Variants in ATG10 observed in about 807,000 individuals in gnomAD.
The protein encoded by ATG10 is autophagy related 10, also known as ubiquitin-like-conjugating enzyme ATG10.
Under a neutral mutation model 32.1 loss-of-function variants are expected in ATG10, and 30 were observed. That is an observed-to-expected ratio of 0.94 (90% CI 0.70 to 1.27). The LOEUF is 1.27. Among genes scored for constraint, ATG10 ranks in the 50% most tolerant of loss-of-function variants. The pLI, the probability that ATG10 is intolerant of heterozygous loss-of-function variation, is 0.00. For synonymous variants in ATG10, 87 were observed against 91.5 expected, an observed-to-expected ratio of 0.95 and a Z score of 0.28; for missense variants, 233 against 262.3, an observed-to-expected ratio of 0.89 and a Z score of 0.77.
At chr5:82,179,507 CA>C (rs1364668103) in intron 5 of ATG10, among the ~76,000 whole-genome samples, 2 of 151,722 alleles carry the variant, frequency 1.3e-5, no homozygotes, top group Non-Finnish European at 2.9e-5. Flanking sequence ...TAGTGATTTG[CA>C]AAAGTAGAGA....
At chr5:82,127,384 G>A (rs192973809) in intron 3 of ATG10, among the ~76,000 whole-genome samples, 36 of 152,086 alleles carry the variant, frequency 2.4e-4, no homozygotes, top group Admixed American at 7.9e-4. Flanking sequence ...TAAGGTATCA[G>A]TTTTAGATCT....
At chr5:82,087,650 T>G (rs1465096362) in intron 3 of ATG10, among the ~76,000 whole-genome samples, 1 of 152,184 alleles carries the variant, frequency 6.6e-6, no homozygotes, top group Non-Finnish European at 1.5e-5. Flanking sequence ...TCTCAGAATC[T>G]TCCCCTATCC....
intron 3 of ATG10, among the ~76,000 whole-genome samples, chr5:82,076,059 A>C (rs1203063032): frequency 6.6e-6 from 1 of 151,930 alleles, no homozygotes; most frequent in African/African-American, 2.4e-5. Context: ...GTATTTCCAC[A>C]TACTGAATGA....
At chr5:82,066,806 A>AT (rs200400737) in intron 3 of ATG10, among the ~76,000 whole-genome samples, 3 of 151,988 alleles carry the variant, frequency 2.0e-5, no homozygotes, top group South Asian at 4.1e-4. Context: ...ATGTCAGAAT[A>AT]TTTTTTTTAT....
At position 81,987,592 on chromosome 5, in the gene ATG10, G is replaced by T; in HGVS notation, c.22G>T (p.Gly8Ter). The T allele has an allele frequency of 6.2e-7, 1 of 1,610,676 alleles. No individual in the cohort carries two copies. The highest frequency in any genetic ancestry group is 8.5e-7 in the Non-Finnish European group (1 of 1,178,580). Residue 8 changes from glycine (G) to a stop codon, truncating the protein, a stop_gained, in exon 2 of 8, where the codon GGA becomes TGA. Transcript: ENST00000282185. LOFTEE classifies it high-confidence loss of function. ...TAACATGGAAGAAGATGAGTTCATT[G>T]GAGAAAAAACATTCCAACGTTATTG... is the stretch of plus-strand genomic sequence containing the variant. MEEDEFI[G>*]EKTFQRYCAE...
In ATG10 at chr5:82,125,427, A is replaced by G. The variant is rs376577134; in HGVS notation, c.217-38972A>G. ...GGGTATTTATGGTTTTAGGTCTTTA[A>G]TCCATCTTGAGTTAATTTTTGCGTA... is the stretch of plus-strand genomic sequence containing the variant. On this transcript the variant is annotated intron_variant, in intron 3 of 7. Coordinates refer to ENST00000282185, the MANE Select transcript of ATG10 (RefSeq NM_031482.5). Among the ~76,000 whole-genome samples, 21 of 152,138 alleles carry G rather than the reference A, an allele frequency of 1.4e-4. No homozygotes were observed. The East Asian group carries it at 1.9e-3, about 14-fold the overall frequency.
chr5:82,139,581 A>G (rs1198832679), intron 3 of ATG10, among the ~76,000 whole-genome samples: 8 of 120,294 alleles, frequency 6.7e-5, no homozygotes, highest in South Asian at 3.0e-4. Context: ...GCCCCGTCTG[A>G]GAAGTGAGGA....
chr5:82,143,404 G>A (rs998027322), intron 3 of ATG10, among the ~76,000 whole-genome samples: 2 of 152,232 alleles, frequency 1.3e-5, no homozygotes, highest in African/African-American at 4.8e-5. Context: ...AGTGTGGAAG[G>A]TGTTCTAACT....
chr5:81,995,265 G>A (rs565422168), intron 2 of ATG10, among the ~76,000 whole-genome samples: 1 of 152,182 alleles, frequency 6.6e-6, no homozygotes, highest in African/African-American at 2.4e-5. Context: ...CCGGTAGCTG[G>A]GACTACAGGC....
Position 82,253,412 on chromosome 5 carries a change from G to A in ATG10, c.650G>A (p.Arg217Gln), listed in dbSNP as rs189442428. ...GCCAAAGCAACGTCTCAGGATGAAC[G>A]AAATGTCCCTTAACAAGGTAAAAGA... is the stretch of plus-strand genomic sequence containing the variant. ...SYAKATSQDE[R>Q]NVP Residue 217 changes from arginine to glutamine, a missense_variant, in exon 7 of 8, where the codon CGA (arginine) becomes CAA (glutamine). By Grantham distance (43) the Arg-to-Gln change is conservative (BLOSUM62 1). Coordinates refer to ENST00000282185, the MANE Select transcript of ATG10 (RefSeq NM_031482.5). 1.2e-4 allele frequency: 197 copies of A among 1,589,938 alleles called. 3 individuals are homozygous for A. Among genetic ancestry groups the A allele is most frequent in the South Asian group, 1.1e-3 (95 of 90,428 alleles).
At chr5:82,006,866 A>AT (rs1761998701) in intron 2 of ATG10, among the ~76,000 whole-genome samples, 1 of 151,868 alleles carries the variant, frequency 6.6e-6, no homozygotes, top group Non-Finnish European at 1.5e-5. Context: ...ATTTTATTTT[A>AT]TTTTTTGAGA....
At chr5:82,185,619 T>TA (rs543983041) in intron 5 of ATG10, among the ~76,000 whole-genome samples, 24 of 148,292 alleles carry the variant, frequency 1.6e-4, no homozygotes, top group Non-Finnish European at 2.8e-4. Context: ...TTTCTCAGGG[T>TA]AAAAAAAAAA....
At chr5:82,041,408 A>G (rs1763078037) in intron 2 of ATG10, among the ~76,000 whole-genome samples, 1 of 152,200 alleles carries the variant, frequency 6.6e-6, no homozygotes, top group Non-Finnish European at 1.5e-5. Flanking sequence ...CATATAAAAT[A>G]ACTAGGTTTT....
At chr5:82,108,502 ATG>A (rs1187764741) in intron 3 of ATG10, among the ~76,000 whole-genome samples, 1 of 151,862 alleles carries the variant, frequency 6.6e-6, no homozygotes, top group Non-Finnish European at 1.5e-5. Context: ...TCTCATGTAT[ATG>A]TGTGTGTATA....
At chr5:82,204,929 A>G (rs1414785286) in intron 5 of ATG10, among the ~76,000 whole-genome samples, 1 of 152,238 alleles carries the variant, frequency 6.6e-6, no homozygotes, top group African/African-American at 2.4e-5. Context: ...ATGAGAATAG[A>G]TAAGGTCTCT....
chr5:82,170,382 A>G (rs950350120), intron 4 of ATG10, among the ~76,000 whole-genome samples: 1 of 152,152 alleles, frequency 6.6e-6, no homozygotes, highest in Non-Finnish European at 1.5e-5. Context: ...TAACTCATGT[A>G]TTGTTTTTCT....
chr5:81,999,942 A>G (rs1231478322), intron 2 of ATG10, among the ~76,000 whole-genome samples: 1 of 152,112 alleles, frequency 6.6e-6, no homozygotes, highest in African/African-American at 2.4e-5. Flanking sequence ...TGAATTCTAG[A>G]TGTGTAAAGA....
chr5:82,166,887 T>C (rs1743606325), intron 4 of ATG10, among the ~76,000 whole-genome samples: 1 of 152,220 alleles, frequency 6.6e-6, no homozygotes, highest in Non-Finnish European at 1.5e-5. Flanking sequence ...ATTTATAATT[T>C]CTTTTGCATT....
intron 3 of ATG10, among the ~76,000 whole-genome samples, chr5:82,078,061 A>G (rs1436675416): frequency 6.6e-6 from 1 of 152,194 alleles, no homozygotes; most frequent in Non-Finnish European, 1.5e-5. Flanking sequence ...TTCTTCGATT[A>G]TAATTTTTCA....
Sources: gnomAD v4.1 joint callset for allele counts (sites outside exome capture counted in the v4.1 genomes callset) on GRCh38, gnomAD v4.1.1 for gene constraint, MANE v1.5 for transcripts, NCBI Gene and HGNC (gene_info 2026-07-23, HGNC 2026-07-21) for gene names.